MFNG: variants seen among roughly 807,000 people sequenced by gnomAD.
The protein encoded by MFNG is MFNG O-fucosylpeptide 3-beta-N-acetylglucosaminyltransferase.
A neutral mutation model predicts 34.2 loss-of-function variants in MFNG; 24 were observed. The ratio of observed to expected loss-of-function variants is 0.70; its 90% CI spans 0.51 to 0.99. The LOEUF is 0.99. Among genes scored for constraint, MFNG ranks in the 50% least tolerant of loss-of-function variants. The probability of loss-of-function intolerance (pLI) is 0.00; values close to 1 mark genes in which losing one functional copy is unlikely to be tolerated. For synonymous variants in MFNG, 158 were observed against 179.2 expected (o/e 0.88, Z 0.94); for missense variants, 383 against 424.0 (o/e 0.90, Z 0.85).
intron 1 of MFNG, among the ~76,000 whole-genome samples, chr22:37,481,606 C>T (rs1922294197): frequency 6.6e-6 from 1 of 152,244 alleles, no homozygotes; most frequent in South Asian, 2.1e-4. Context: ...GACTGGTGTT[C>T]TTCCCATTCC....
At position 37,483,950 on chromosome 22, in the gene MFNG, G is replaced by A. The variant is rs1922413002; in HGVS notation, c.255+1973C>T. ...TGGGCAGAGTTTCTTTGGAGCCAAG[G>A]GCTGCATTTGACTTGTTTAAGGAGG... On this transcript the variant is annotated intron_variant, in intron 1 of 7. Coordinates refer to ENST00000356998, the MANE Select transcript of MFNG (RefSeq NM_002405.4). The surrounding 1 kb of genome is among the most constrained non-coding windows in gnomAD (Gnocchi z 4.5). Among the ~76,000 whole-genome samples, 1 of 152,120 alleles carries A rather than the reference G, an allele frequency of 6.6e-6. No individual in the cohort carries two copies. The highest frequency in any genetic ancestry group is 2.4e-5 in the African/African-American group (1 of 41,400).
chr22:37,469,547 G>A lies in MFNG; in HGVS notation c.*416C>T. 1 of 335,378 alleles carries A rather than the reference G, an allele frequency of 3.0e-6. No individual in the cohort carries two copies. Among genetic ancestry groups the A allele is most frequent in the East Asian group, 7.8e-5 (1 of 12,894 alleles). The allele number at this position is 335,378 out of a possible 1,614,324, so 20.8% of individuals were successfully genotyped here. ...CGGGACACAGATGAGGGAGGCAGGA[G>A]TGGGCGGCCCAGCGCTTGAGCCCCA... is the stretch of plus-strand genomic sequence containing the variant. On this transcript the variant is annotated 3_prime_UTR_variant, in exon 8 of 8. Coordinates refer to ENST00000356998, the MANE Select transcript of MFNG (RefSeq NM_002405.4).
rs567242539 is a variant in MFNG at position 37,469,900 on chromosome 22, C to G, written c.*63G>C. ...AGACACTTGCCAGGGACCCACAGTGCCACCTTGGGAGCCAAGGCACACCCA... is the reference window on the plus strand; with the variant it reads ...AGACACTTGCCAGGGACCCACAGTGGCACCTTGGGAGCCAAGGCACACCCA... On this transcript the variant is annotated 3_prime_UTR_variant, in exon 8 of 8. Transcript: ENST00000356998. 115 of 1,338,376 alleles carry G rather than the reference C, an allele frequency of 8.6e-5. 1 individual carries two copies. The South Asian group carries it at 1.0e-3, about 12-fold the overall frequency. The allele number at this position is 1,338,376 out of a possible 1,614,324, so 82.9% of individuals were successfully genotyped here.
intron 5 of MFNG, among the ~76,000 whole-genome samples, chr22:37,475,667 C>T (rs892124325): frequency 4.6e-5 from 7 of 152,090 alleles, no homozygotes; most frequent in Non-Finnish European, 1.0e-4. Flanking sequence ...GGAAATCCAG[C>T]CTGTACTCCC....
In MFNG at chr22:37,469,605, A is replaced by G. The variant is rs1921713967; in HGVS notation, c.*358T>C. ...GACTGAGAGACATTAGCCAGGGCCA[A>G]CGGCCAGACCCCACCCAGAGGCCAT... On this transcript the variant is annotated 3_prime_UTR_variant, in exon 8 of 8. Transcript: ENST00000356998. The G allele has an allele frequency of 2.6e-6, 1 of 377,754 alleles. No individual in the cohort carries two copies. The highest frequency in any genetic ancestry group is 2.1e-5 in the South Asian group (1 of 47,494). 23.4% of individuals were successfully genotyped at this position (377,754 alleles called of 1,614,324 possible). A position where few individuals can be genotyped will look rare whatever the true frequency, so the allele number is the denominator to read the frequency against.
intron 2 of MFNG, among the ~76,000 whole-genome samples, 161 bp downstream of exon 2, chr22:37,480,560 T>G (rs1922250122): frequency 6.6e-6 from 1 of 152,126 alleles, no homozygotes; most frequent in African/African-American, 2.4e-5. Flanking sequence ...CACACCAGTT[T>G]CCAGGGAAGA....
chr22:37,478,139 GGCTGATTAGCTACTGATAATTA>G (rs1403643848), intron 4 of MFNG, among the ~76,000 whole-genome samples: 1 of 152,156 alleles, frequency 6.6e-6, no homozygotes, highest in East Asian at 1.9e-4. Context: ...AAGGCTCAGA[GGCTGATTAGCTACTGATAATTA>G]AGGCTCTGTG....
rs1569154822 is a variant in MFNG at position 37,469,721 on chromosome 22, C to T, written c.*242G>A. On this transcript the variant is annotated 3_prime_UTR_variant, in exon 8 of 8. Coordinates refer to ENST00000356998, the MANE Select transcript of MFNG (RefSeq NM_002405.4). ...AATTCAGCCTCCTGAGGGAGTCTAG[C>T]CCCTGGAGCCTCTCTGGCCACCACC... 1.6e-6 allele frequency: 1 copy of T among 634,148 alleles called. No homozygotes were observed. The highest frequency in any genetic ancestry group is 1.6e-5 in the South Asian group (1 of 60,838). 39.3% of individuals were successfully genotyped at this position (634,148 alleles called of 1,614,324 possible). A position where few individuals can be genotyped will look rare whatever the true frequency, so the allele number is the denominator to read the frequency against.
intron 1 of MFNG, 71 bp from the exon 2 acceptor site, chr22:37,480,840 C>G: frequency 6.6e-6 from 9 of 1,361,264 alleles, no homozygotes; most frequent in Non-Finnish European, 9.3e-6. Context: ...CACAGCCCAC[C>G]ACCACCAGGC....
At position 37,486,130 on chromosome 22, in the gene MFNG, G is replaced by A. The variant is rs756881144; in HGVS notation, c.48C>T (p.Leu16=). 2 of 1,601,656 alleles carry A rather than the reference G, an allele frequency of 1.2e-6. No homozygotes were observed. Among genetic ancestry groups the A allele is most frequent in the Non-Finnish European group, 1.7e-6 (2 of 1,171,090 alleles). ...GCAGACACAGGAGCCCCATGCACAG[G>A]AGGGTGAGGAGGGCTCCAGCCAGGC... ...PRGLAGALLT[L]LCMGLLCLRY... is the part of the protein sequence containing the mutation. The change falls in exon 1 of 8, where the codon CTC becomes CTT. Residue 16 remains leucine (L), a synonymous_variant. Transcript: ENST00000356998.
At chr22:37,470,224 G>A (rs568012207) in intron 7 of MFNG, among the ~76,000 whole-genome samples, 195 bp from the exon 8 acceptor site, 1 of 152,228 alleles carries the variant, frequency 6.6e-6, no homozygotes, top group East Asian at 1.9e-4. Context: ...AGCATTCCTG[G>A]GCTCTACCCA....
At position 37,480,703 on chromosome 22, in the gene MFNG, C is replaced by T. The variant is rs771539659; in HGVS notation, c.304+18G>A. On this transcript the variant is annotated intron_variant, in intron 2 of 7. Coordinates refer to ENST00000356998, the MANE Select transcript of MFNG (RefSeq NM_002405.4). Reference sequence around the variant, plus strand: ...AACAGCTAAAGTCCCCCACCACACCCAGGCCGGGCAGAGTTACCCAGTCTC... The same window carrying T: ...AACAGCTAAAGTCCCCCACCACACCTAGGCCGGGCAGAGTTACCCAGTCTC... 62 of 1,612,580 alleles carry T rather than the reference C, an allele frequency of 3.8e-5. No homozygotes were observed. Among genetic ancestry groups the T allele is most frequent in the Admixed American group, 5.0e-5 (3 of 59,906 alleles).
At position 37,482,460 on chromosome 22, in the gene MFNG, TAC is replaced by T. The variant is rs142031748; in HGVS notation, c.256-1693_256-1692del. ...ACACACACGCACACACACGCACGCA[TAC>T]ACACACACACACACACACGCACGTG... On this transcript the variant is annotated intron_variant, in intron 1 of 7. Transcript: ENST00000356998. The surrounding 1 kb of genome is among the most constrained non-coding windows in gnomAD (Gnocchi z 4.1). 0.011 allele frequency among the ~76,000 whole-genome samples: 1,620 copies of T among 148,100 alleles called. 31 individuals carry two copies. Among genetic ancestry groups the T allele is most frequent in the African/African-American group, 0.036 (1,444 of 40,516 alleles).
chr22:37,472,331 G>T, intron 7 of MFNG, 112 bp downstream of exon 7: 1 of 758,150 alleles, frequency 1.3e-6, no homozygotes, highest in Non-Finnish European at 2.1e-6. Context: ...CTAGCTCTGT[G>T]CTGTCAGCCA....
intron 4 of MFNG, 150 bp from the exon 5 acceptor site, chr22:37,477,131 T>C (rs1165690755): frequency 3.0e-6 from 2 of 667,168 alleles, no homozygotes; most frequent in Non-Finnish European, 5.3e-6. Flanking sequence ...CTGGCATTAT[T>C]GCACCCATTC....
At position 37,474,643 on chromosome 22, in the gene MFNG, G is replaced by A. The variant is rs146856427; in HGVS notation, c.682C>T (p.Arg228Trp). 8.7e-4 allele frequency: 1,411 copies of A among 1,612,964 alleles called. No individual in the cohort carries two copies. Among genetic ancestry groups the A allele is most frequent in the Non-Finnish European group, 1.1e-3 (1,341 of 1,179,428 alleles). ...SRFMDTSALIRLPDDCTMGYI... is the reference protein window; with the variant it reads ...SRFMDTSALIWLPDDCTMGYI... ...CCCATGGTGCAGTCATCAGGCAGCC[G>A]GATGAGAGCAGATGTGTCCATGAAA... is the stretch of plus-strand genomic sequence containing the variant. The change falls in exon 6 of 8, where the codon CGG becomes TGG. Residue 228 changes from arginine (R) to tryptophan (W), a missense_variant. Coordinates refer to ENST00000356998, the MANE Select transcript of MFNG (RefSeq NM_002405.4).
intron 6 of MFNG, among the ~76,000 whole-genome samples, chr22:37,473,039 T>C (rs1341986239): frequency 6.6e-6 from 1 of 152,144 alleles, no homozygotes; most frequent in African/African-American, 2.4e-5. Context: ...CCATATTAGC[T>C]GTGTGCCGTG....
intron 7 of MFNG, among the ~76,000 whole-genome samples, chr22:37,471,633 C>A (rs1393790021): frequency 6.6e-6 from 1 of 152,036 alleles, no homozygotes; most frequent in South Asian, 2.1e-4. Flanking sequence ...GAGTTCGAAA[C>A]CAGCCTGGCC....
In MFNG at chr22:37,483,289, C is replaced by T. The variant is rs1414055994; in HGVS notation, c.256-2520G>A. ...CGCCACTGTCGTCACCTGCTGCCTG[C>T]TTTGCTGCAGGCCCTCCTCCCTGGC... On this transcript the variant is annotated intron_variant, in intron 1 of 7. Coordinates refer to ENST00000356998, the MANE Select transcript of MFNG (RefSeq NM_002405.4). This position sits in a 1 kb window ranked among gnomAD's most constrained non-coding sequence, Gnocchi z 4.5. Among the ~76,000 whole-genome samples, 2 of 152,194 alleles carry T rather than the reference C, an allele frequency of 1.3e-5. No individual in the cohort carries two copies. Among genetic ancestry groups the T allele is most frequent in the Admixed American group, 1.3e-4 (2 of 15,278 alleles).
Sources: allele counts gnomAD v4.1 joint callset (sites outside exome capture counted in the v4.1 genomes callset), GRCh38; gene constraint gnomAD v4.1.1; non-coding constraint Gnocchi (gnomAD v3.1); transcripts MANE v1.5; gene names NCBI Gene and HGNC (gene_info 2026-07-23, HGNC 2026-07-21).